Variants in PLGRKT observed in about 807,000 individuals in gnomAD.
PLGRKT encodes the protein plasminogen receptor (KT).
PLGRKT carries 22 observed loss-of-function variants against 18.5 expected under a neutral mutation model. The ratio of observed to expected loss-of-function variants is 1.19; its 90% CI spans 0.85 to 1.70. The LOEUF is 1.70. PLGRKT is among the 40% of genes most tolerant of loss of function. PLGRKT has a pLI of 0.00. For synonymous variants in PLGRKT, 72 were observed against 52.8 expected, an observed-to-expected ratio of 1.36 and a Z score of -1.58; for missense variants, 235 against 174.4, an observed-to-expected ratio of 1.35 and a Z score of -1.96.
intron 5 of PLGRKT, 24 bp from the exon 6 acceptor site, chr9:5,358,384 C>T (rs764822325): frequency 5.0e-6 from 8 of 1,610,484 alleles, no homozygotes; most frequent in Non-Finnish European, 5.1e-6. Flanking sequence ...CAGAAATACA[C>T]AAGGTGACAA....
At position 5,428,723 on chromosome 9, in the gene PLGRKT, G is replaced by T. The variant is rs1818749907; in HGVS notation, c.81+3174C>A. 3.3e-5 allele frequency among the ~76,000 whole-genome samples: 5 copies of T among 152,202 alleles called. No individual in the cohort carries two copies. In the South Asian group the frequency reaches 1.0e-3, roughly 32 times the overall value. ...TTATTGTTTTGGTTTTTTGAGATAG[G>T]GTCTCGCTCTGTCAACCAGGCTGGA... On this transcript the variant is annotated intron_variant, in intron 3 of 5. Transcript: ENST00000223864.
chr9:5,435,763 G>A (rs541200796), intron 2 of PLGRKT, among the ~76,000 whole-genome samples: 37 of 152,340 alleles, frequency 2.4e-4, no homozygotes, highest in African/African-American at 8.2e-4. Flanking sequence ...CAATGTTGCT[G>A]ATACCTTTTC....
chr9:5,432,069 G>C (rs1586748636), intron 2 of PLGRKT, 86 bp from the exon 3 acceptor site: 1 of 639,042 alleles, frequency 1.6e-6, no homozygotes, highest in African/African-American at 1.9e-5. Flanking sequence ...TTGGGCTTAT[G>C]ACAAAGTAAA....
rs1818107890 is a variant in PLGRKT, at chr9:5,399,199, G to T, written c.81+32698C>A. 1.3e-5 allele frequency among the ~76,000 whole-genome samples: 2 copies of T among 151,818 alleles called. 1 individual carries two copies. The highest frequency in any genetic ancestry group is 4.9e-5 in the African/African-American group (2 of 41,184). On this transcript the variant is annotated intron_variant, in intron 3 of 5. Transcript: ENST00000223864. ...TTCCTGGAGTCTCATATTTTGGTGG[G>T]ACTCCTGTGCATATGTGAGTAATTA...
At chr9:5,413,310 C>G (rs1818399594) in intron 3 of PLGRKT, among the ~76,000 whole-genome samples, 1 of 152,104 alleles carries the variant, frequency 6.6e-6, no homozygotes, top group South Asian at 2.1e-4. Context: ...ACCTAAGTAC[C>G]TGGGGTGGGC....
chr9:5,401,161 A>G (rs1249077439), intron 3 of PLGRKT, among the ~76,000 whole-genome samples: 1 of 151,880 alleles, frequency 6.6e-6, no homozygotes, highest in Admixed American at 6.6e-5. Flanking sequence ...TTTCAAGTAT[A>G]CAAGCTTAGT....
chr9:5,398,083 G>C lies in PLGRKT; in HGVS notation c.81+33814C>G, dbSNP rs998727786. ...AGAGCAGGTAGATTAGGATATCAGT[G>C]GATGGACAGCAAAACGGGAGCAGAC... On this transcript the variant is annotated intron_variant, in intron 3 of 5. Coordinates refer to ENST00000223864, the MANE Select transcript of PLGRKT (RefSeq NM_018465.4). Among the ~76,000 whole-genome samples the C allele has an allele frequency of 5.3e-5, 8 of 151,850 alleles. 1 individual carries two copies. The highest frequency in any genetic ancestry group is 1.9e-4 in the African/African-American group (8 of 41,126).
chr9:5,403,338 C>T (rs1442766589), intron 3 of PLGRKT, among the ~76,000 whole-genome samples: 2 of 149,832 alleles, frequency 1.3e-5, no homozygotes, highest in Non-Finnish European at 2.9e-5. Context: ...ATTCTCCTAC[C>T]TCAGCCTCCT....
intron 3 of PLGRKT, among the ~76,000 whole-genome samples, chr9:5,372,080 C>T (rs1162996814): frequency 2.1e-5 from 3 of 145,600 alleles, no homozygotes; most frequent in African/African-American, 5.2e-5. Flanking sequence ...CTCTTGGGTT[C>T]GAGCAATTCT....
chr9:5,396,148 C>T (rs1162898790), intron 3 of PLGRKT, among the ~76,000 whole-genome samples: 1 of 151,694 alleles, frequency 6.6e-6, no homozygotes, highest in Non-Finnish European at 1.5e-5. Context: ...TCCGCCTCAG[C>T]CTCACAAAGT....
In PLGRKT at chr9:5,391,562, C is replaced by T. The variant is rs1044412277; in HGVS notation, c.82-29674G>A. Among the ~76,000 whole-genome samples, 9 of 151,816 alleles carry T rather than the reference C, an allele frequency of 5.9e-5. No individual in the cohort carries two copies. The East Asian group carries it at 7.7e-4, about 13-fold the overall frequency. On this transcript the variant is annotated intron_variant, in intron 3 of 5. Coordinates refer to ENST00000223864, the MANE Select transcript of PLGRKT (RefSeq NM_018465.4). Reference sequence around the variant, plus strand: ...GAAGCAGTGATAAACTGGTGTAGACCGAACTCTGCTTTCTCCATGTCACCC... The same window carrying T: ...GAAGCAGTGATAAACTGGTGTAGACTGAACTCTGCTTTCTCCATGTCACCC...
At chr9:5,404,798 A>T (rs1436754763) in intron 3 of PLGRKT, among the ~76,000 whole-genome samples, 2 of 152,196 alleles carry the variant, frequency 1.3e-5, no homozygotes, top group Admixed American at 6.5e-5. Flanking sequence ...CAAGAGAAAG[A>T]AATAAAGTGT....
chr9:5,423,312 A>T (rs1049865086), intron 3 of PLGRKT, among the ~76,000 whole-genome samples: 7 of 152,238 alleles, frequency 4.6e-5, no homozygotes, highest in Non-Finnish European at 8.8e-5. Context: ...AGTGTACTAA[A>T]TGTGTAAATG....
chr9:5,358,510 T>C (rs2131050079), intron 5 of PLGRKT, 150 bp from the exon 6 acceptor site: 1 of 569,330 alleles, frequency 1.8e-6, no homozygotes, highest in Non-Finnish European at 3.0e-6. Context: ...GGAGAAGTAA[T>C]ATACTTCCCA....
chr9:5,428,435 G>T (rs1479347856), intron 3 of PLGRKT, among the ~76,000 whole-genome samples: 1 of 152,168 alleles, frequency 6.6e-6, no homozygotes, highest in African/African-American at 2.4e-5. Flanking sequence ...GCTAAGCACT[G>T]GGGTGGCCCA....
intron 3 of PLGRKT, among the ~76,000 whole-genome samples, chr9:5,381,501 C>T (rs1019018677): frequency 6.6e-6 from 1 of 152,236 alleles, no homozygotes; most frequent in Non-Finnish European, 1.5e-5. Flanking sequence ...GCTTTGGGAA[C>T]CTCCACCTCA....
intron 3 of PLGRKT, among the ~76,000 whole-genome samples, chr9:5,416,471 AT>A (rs1250884973): frequency 2.6e-5 from 4 of 152,200 alleles, no homozygotes; most frequent in Non-Finnish European, 5.9e-5. Flanking sequence ...CTATAGGATC[AT>A]TTTTAATCAT....
At chr9:5,420,408 AT>A (rs1818552705) in intron 3 of PLGRKT, among the ~76,000 whole-genome samples, 1 of 152,268 alleles carries the variant, frequency 6.6e-6, no homozygotes, top group East Asian at 1.9e-4. Flanking sequence ...TATGATGTGT[AT>A]TTTTTTCACA....
At position 5,358,225 on chromosome 9, in the gene PLGRKT, T is replaced by C. The variant is rs779993656; in HGVS notation, c.*14A>G. On this transcript the variant is annotated 3_prime_UTR_variant, in exon 6 of 6. Transcript: ENST00000223864. ...ATAATTCTGTGCTTTGAGATTTGAT[T>C]GGTAAGCATGATTTCATTTGTCTAT... 6.3e-7 allele frequency: 1 copy of C among 1,598,366 alleles called. No homozygotes were observed. The highest frequency in any genetic ancestry group is 1.1e-5 in the South Asian group (1 of 89,412).
Sources: gnomAD v4.1 joint callset for allele counts (sites outside exome capture counted in the v4.1 genomes callset) on GRCh38, gnomAD v4.1.1 for gene constraint, MANE v1.5 for transcripts, NCBI Gene and HGNC (gene_info 2026-07-23, HGNC 2026-07-21) for gene names.